RMST: variants seen among roughly 807,000 people sequenced by gnomAD.
RMST encodes the protein long intergenic non-protein coding RNA 54.
intron 10 of RMST, among the ~76,000 whole-genome samples, chr12:97,508,108 G>A (rs1878892195): frequency 6.6e-6 from 1 of 152,174 alleles, no homozygotes; most frequent in Admixed American, 6.5e-5. Context: ...GAGTGAATTA[G>A]TGGGAATATA....
chr12:97,516,637 T>G (rs1879965628), intron 10 of RMST, among the ~76,000 whole-genome samples: 1 of 152,022 alleles, frequency 6.6e-6, no homozygotes, highest in South Asian at 2.1e-4. Flanking sequence ...TACATAAATC[T>G]TCCTAATTAT....
intron 5 of RMST, chr12:97,483,569 A>G (rs1221483909): frequency 6.6e-6 from 1 of 152,216 alleles, no homozygotes; most frequent in African/African-American, 2.4e-5. Flanking sequence ...TGACCAACAG[A>G]AATTGGTAGG....
At chr12:97,499,080 T>C (rs1033523472) in intron 10 of RMST, among the ~76,000 whole-genome samples, 1 of 152,218 alleles carries the variant, frequency 6.6e-6, no homozygotes, top group African/African-American at 2.4e-5. Flanking sequence ...AGGCTGCCTC[T>C]GTCTCTAAGC....
intron 10 of RMST, among the ~76,000 whole-genome samples, chr12:97,496,610 A>G (rs572901791): frequency 2.0e-5 from 3 of 152,328 alleles, no homozygotes; most frequent in East Asian, 3.9e-4. Flanking sequence ...AGCAAATATT[A>G]TAAAACACAC....
intron 5 of RMST, among the ~76,000 whole-genome samples, chr12:97,475,863 T>C (rs984324818): frequency 2.0e-5 from 3 of 152,180 alleles, no homozygotes; most frequent in Non-Finnish European, 4.4e-5. Flanking sequence ...AAGCCCTTGG[T>C]TATGATATTA....
At chr12:97,559,058 T>A (rs1883913554) in intron 11 of RMST, among the ~76,000 whole-genome samples, 1 of 151,920 alleles carries the variant, frequency 6.6e-6, no homozygotes, top group Non-Finnish European at 1.5e-5. Context: ...AAAGGCAGCA[T>A]GGTTTTAGAT....
intron 11 of RMST, among the ~76,000 whole-genome samples, chr12:97,531,506 A>C (rs1881621687): frequency 6.6e-6 from 1 of 151,904 alleles, no homozygotes; most frequent in South Asian, 2.1e-4. Context: ...AGATTTGAGG[A>C]GTTTCCCAAA....
intron 11 of RMST, chr12:97,560,489 G>A (rs1376124885): frequency 6.6e-6 from 1 of 152,144 alleles, no homozygotes; most frequent in East Asian, 1.9e-4. Context: ...CAAGACTGTT[G>A]TGTGAAGTAG....
chr12:97,471,217 G>A (rs1285753913), intron 5 of RMST, among the ~76,000 whole-genome samples: 1 of 152,112 alleles, frequency 6.6e-6, no homozygotes, highest in Non-Finnish European at 1.5e-5. Context: ...TATAAATATA[G>A]ATAGGGCTTC....
At chr12:97,522,368 G>A (rs10777875) in intron 10 of RMST, among the ~76,000 whole-genome samples, 99,561 of 152,058 alleles carry the variant, frequency 0.65, 34,180 homozygotes, top group Middle Eastern at 0.83. Context: ...AATGTGAAAA[G>A]TGATTCTCTT....
intron 13 of RMST, among the ~76,000 whole-genome samples, chr12:97,562,303 G>T (rs1044015605): frequency 1.3e-5 from 2 of 152,208 alleles, no homozygotes; most frequent in African/African-American, 2.4e-5. Context: ...ATATGTGATT[G>T]ACTCTGTTTC....
chr12:97,542,881 C>T (rs1489591886), intron 11 of RMST, among the ~76,000 whole-genome samples: 1 of 151,858 alleles, frequency 6.6e-6, no homozygotes, highest in Non-Finnish European at 1.5e-5. Flanking sequence ...GTTCTGTGGC[C>T]TTTATGCTTA....
intron 5 of RMST, among the ~76,000 whole-genome samples, chr12:97,472,282 A>G (rs1874014218): frequency 6.6e-6 from 1 of 152,142 alleles, no homozygotes; most frequent in Non-Finnish European, 1.5e-5. Context: ...GAAGGTACAT[A>G]CTTACGTAAT....
chr12:97,521,964 C>T (rs549043026), intron 10 of RMST, among the ~76,000 whole-genome samples: 8 of 152,306 alleles, frequency 5.3e-5, no homozygotes, highest in African/African-American at 1.7e-4. Context: ...ATCTCACATA[C>T]TTGATTGCTG....
chr12:97,558,334 T>G (rs1222333344), intron 11 of RMST, among the ~76,000 whole-genome samples: 1 of 152,180 alleles, frequency 6.6e-6, no homozygotes, highest in African/African-American at 2.4e-5. Flanking sequence ...TACTTTTCAT[T>G]AACTTAAAAG....
chr12:97,475,487 CA>C (rs1286198064), intron 5 of RMST, among the ~76,000 whole-genome samples: 1 of 152,052 alleles, frequency 6.6e-6, no homozygotes, highest in Non-Finnish European at 1.5e-5. Context: ...CTACTACGAC[CA>C]TGGACCAATT....
intron 10 of RMST, among the ~76,000 whole-genome samples, chr12:97,512,780 C>G (rs531786773): frequency 1.3e-5 from 2 of 152,232 alleles, no homozygotes; most frequent in African/African-American, 4.8e-5. Context: ...CCGCGCCCTG[C>G]GCCTGCACTC....
At chr12:97,542,286 TATC>T (rs1168199387) in intron 11 of RMST, among the ~76,000 whole-genome samples, 27 of 151,844 alleles carry the variant, frequency 1.8e-4, no homozygotes, top group Admixed American at 7.9e-4. Context: ...ACTACTCTAT[TATC>T]ATTATTATGC....
At chr12:97,526,117 A>G (rs1449267401) in intron 10 of RMST, among the ~76,000 whole-genome samples, 1 of 152,054 alleles carries the variant, frequency 6.6e-6, no homozygotes, top group Non-Finnish European at 1.5e-5. Flanking sequence ...ATTATATATT[A>G]TGATGTAATA....
Sources: gnomAD v4.1 joint callset for allele counts (sites outside exome capture counted in the v4.1 genomes callset) on GRCh38, gnomAD v4.1.1 for gene constraint, MANE v1.5 for transcripts, NCBI Gene and HGNC (gene_info 2026-07-23, HGNC 2026-07-21) for gene names.